The following VEPH1 variants were observed in gnomAD, a reference collection of about 807,000 sequenced individuals.
The protein encoded by VEPH1 is ventricular zone expressed PH domain containing 1.
Under a neutral mutation model 85.2 loss-of-function variants are expected in VEPH1, and 80 were observed. The ratio of observed to expected loss-of-function variants is 0.94; its 90% confidence interval spans 0.78 to 1.13. The LOEUF is 1.13. Ranked by LOEUF, VEPH1 falls within the 50% of genes most tolerant of loss-of-function variation. VEPH1 has a pLI of 0.00. For synonymous variants in VEPH1, 297 were observed against 348.0 expected (o/e 0.85, Z 1.63); for missense variants, 955 against 980.5 (o/e 0.97, Z 0.35).
intron 11 of VEPH1, among the ~76,000 whole-genome samples, chr3:157,303,654 A>G (rs1025001899): frequency 6.6e-6 from 1 of 152,044 alleles, no homozygotes; most frequent in African/African-American, 2.4e-5. Flanking sequence ...TTCCACCTTC[A>G]ATCTGCCCTC....
At chr3:157,439,056 T>G (rs1185520282) in intron 4 of VEPH1, among the ~76,000 whole-genome samples, 2 of 152,180 alleles carry the variant, frequency 1.3e-5, no homozygotes, top group African/African-American at 4.8e-5. Flanking sequence ...TCCTAAATAT[T>G]TGAGGGGTGC....
At chr3:157,279,073 A>G (rs894807085) in intron 12 of VEPH1, among the ~76,000 whole-genome samples, 1 of 152,140 alleles carries the variant, frequency 6.6e-6, no homozygotes, top group Non-Finnish European at 1.5e-5. Context: ...GCAGTCAAGT[A>G]AGTGGTAGGT....
intron 2 of VEPH1, among the ~76,000 whole-genome samples, chr3:157,483,452 A>T (rs930351155): frequency 1.3e-5 from 2 of 152,222 alleles, no homozygotes; most frequent in East Asian, 1.9e-4. Context: ...TTAGATATTT[A>T]AAAATTTCAG....
intron 7 of VEPH1, among the ~76,000 whole-genome samples, chr3:157,369,180 G>GGAAAAAAAAAAAAAAAAAAAAAAAA (rs1553773035): frequency 4.7e-5 from 2 of 42,786 alleles, no homozygotes; most frequent in Non-Finnish European, 7.9e-5. Flanking sequence ...AAAACCAAAT[G>GGAAAAAAAAAAAAAAAAAAAAAAAA]AAAAAAAAAA....
intron 9 of VEPH1, among the ~76,000 whole-genome samples, chr3:157,341,676 G>A (rs528420239): frequency 4.6e-5 from 7 of 152,110 alleles, no homozygotes; most frequent in African/African-American, 1.2e-4. Context: ...TACAGAGAAC[G>A]TGACAAAGAT....
intron 11 of VEPH1, among the ~76,000 whole-genome samples, chr3:157,304,023 T>TTATATATATATATATATATATATATA (rs1553761056): frequency 3.4e-4 from 30 of 89,128 alleles, no homozygotes; most frequent in African/African-American, 1.5e-3. Flanking sequence ...CTTATATTTT[T>TTATATATATATATATATATATATATA]TATATATATA....
intron 9 of VEPH1, among the ~76,000 whole-genome samples, chr3:157,343,545 A>G (rs1440958285): frequency 2.0e-5 from 3 of 152,206 alleles, no homozygotes; most frequent in East Asian, 1.9e-4. Context: ...ATAGCCTACC[A>G]ACCAAAAAAA....
rs542003955 is a variant in VEPH1 at position 157,313,033 on chromosome 3, T to G, written c.2010+588A>C. ...CATTCTCCTGCCTCAGCCTCCCGAG[T>G]AGCTGGGACTACAGGCGCCCGCTAC... On this transcript the variant is annotated intron_variant, in intron 11 of 13. Coordinates refer to ENST00000362010, the MANE Select transcript of VEPH1 (RefSeq NM_001167912.2). Among the ~76,000 whole-genome samples the G allele has an allele frequency of 2.0e-5, 3 of 148,942 alleles. No homozygotes were observed. The South Asian group carries it at 6.5e-4, about 32-fold the overall frequency.
intron 2 of VEPH1, among the ~76,000 whole-genome samples, chr3:157,490,235 A>T (rs1185242709): frequency 6.6e-6 from 1 of 152,014 alleles, no homozygotes; most frequent in Non-Finnish European, 1.5e-5. Context: ...AACAGAAAAA[A>T]ACAAAGCAGT....
chr3:157,329,365 T>C (rs1500924), intron 9 of VEPH1, among the ~76,000 whole-genome samples: 32,082 of 152,078 alleles, frequency 0.21, 4,427 homozygotes, highest in Admixed American at 0.41. Flanking sequence ...GAAGAACAAC[T>C]CAAGGAAATA....
intron 6 of VEPH1, among the ~76,000 whole-genome samples, chr3:157,404,097 C>G (rs1730975675): frequency 6.6e-6 from 1 of 152,154 alleles, no homozygotes; most frequent in African/African-American, 2.4e-5. Flanking sequence ...GTTTTCCTGA[C>G]CTCCTCAAAC....
At chr3:157,436,120 T>C (rs545958765) in intron 4 of VEPH1, among the ~76,000 whole-genome samples, 2 of 152,110 alleles carry the variant, frequency 1.3e-5, no homozygotes, top group South Asian at 4.2e-4. Flanking sequence ...CTACTAAAAA[T>C]ACAAAAATTA....
intron 6 of VEPH1, chr3:157,409,732 G>A (rs1230536628): frequency 1.0e-6 from 1 of 985,258 alleles, no homozygotes; most frequent in Non-Finnish European, 1.2e-6. Flanking sequence ...TCATTTCCCA[G>A]TAGCCAGCCC....
At chr3:157,373,302 A>G (rs1727716370) in intron 7 of VEPH1, among the ~76,000 whole-genome samples, 1 of 152,226 alleles carries the variant, frequency 6.6e-6, no homozygotes. Context: ...CTGGTGATAT[A>G]GCACGGTAAC....
At chr3:157,464,047 T>C (rs1736137011) in intron 3 of VEPH1, among the ~76,000 whole-genome samples, 1 of 152,238 alleles carries the variant, frequency 6.6e-6, no homozygotes, top group South Asian at 2.1e-4. Context: ...CATCCTCTTT[T>C]TGTTAACATA....
At chr3:157,328,460 T>G (rs1488632979) in intron 9 of VEPH1, among the ~76,000 whole-genome samples, 9 of 152,216 alleles carry the variant, frequency 5.9e-5, no homozygotes, top group Non-Finnish European at 1.3e-4. Flanking sequence ...AATGTTCACC[T>G]AATTGCTTAT....
At chr3:157,489,198 T>C (rs77573663) in intron 2 of VEPH1, 7 of 456,388 alleles carry the variant, frequency 1.5e-5, no homozygotes, top group African/African-American at 1.4e-4. Context: ...TAGACCATGT[T>C]ACTTCTGCTC....
At chr3:157,436,777 C>A in intron 4 of VEPH1, 1 of 760,042 alleles carries the variant, frequency 1.3e-6, no homozygotes, top group Non-Finnish European at 2.0e-6. Flanking sequence ...ACCGCAGTGC[C>A]ACCAGCATTA....
intron 2 of VEPH1, among the ~76,000 whole-genome samples, chr3:157,471,585 C>T (rs1261468721): frequency 1.5e-4 from 23 of 152,118 alleles, no homozygotes. Flanking sequence ...TATCTTATCG[C>T]TGTTTTGCTT....
Sources: allele counts gnomAD v4.1 joint callset (sites outside exome capture counted in the v4.1 genomes callset), GRCh38; gene constraint gnomAD v4.1.1; transcripts MANE v1.5; gene names NCBI Gene and HGNC (gene_info 2026-07-23, HGNC 2026-07-21).